Variants in PABIR3 observed in about 807,000 individuals in gnomAD.
PABIR3 encodes PABIR family member 3.
A neutral mutation model predicts 23.1 loss-of-function variants in PABIR3; 20 were observed. The ratio of observed to expected loss-of-function variants is 0.86; its 90% CI spans 0.61 to 1.26. The LOEUF (loss-of-function observed/expected upper bound fraction) is 1.26, where lower values mean the gene tolerates loss of function less well. PABIR3 is among the 50% of genes most tolerant of loss of function. The probability of loss-of-function intolerance (pLI) is 0.00; values close to 1 mark genes in which losing one functional copy is unlikely to be tolerated. For synonymous variants in PABIR3, 69 were observed against 68.5 expected (o/e 1.01, Z -0.04); for missense variants, 189 against 195.4 (o/e 0.97, Z 0.20).
chrX:134,829,124 A>T, intron 3 of PABIR3, 102 bp from the exon 4 acceptor site: 1 of 667,298 alleles, frequency 1.5e-6, no homozygotes, highest in South Asian at 2.6e-5. Context: ...CATGCATAAG[A>T]CACTAAATAA....
At chrX:134,864,649 A>C in the PABIR3 span, among the ~76,000 whole-genome samples, 2 of 112,226 alleles carry the variant, frequency 1.8e-5, no homozygotes, top group African/African-American at 6.5e-5. Flanking sequence ...GTAGTTCATT[A>C]CTTTTTATTG....
At chrX:134,859,639 A>G (rs2082763250), downstream of PABIR3, among the ~76,000 whole-genome samples, 2 of 112,125 alleles carry the variant, frequency 1.8e-5, no homozygotes, top group South Asian at 7.4e-4. Flanking sequence ...CAACTATAAA[A>G]ACATCATCCC....
At chrX:134,822,512 G>T in intron 3 of PABIR3, 2 of 753,804 alleles carry the variant, frequency 2.7e-6, no homozygotes, top group Non-Finnish European at 3.1e-6. Context: ...CTCCCTGCTG[G>T]TGTCATCAAT....
chrX:134,856,960 C>T (rs1323697768), downstream of PABIR3, among the ~76,000 whole-genome samples: 1 of 110,730 alleles, frequency 9.0e-6, no homozygotes, highest in East Asian at 2.9e-4. Flanking sequence ...TGCAGTGAGC[C>T]GAGATCACGC....
chrX:134,823,417 G>T (rs1426699601), intron 3 of PABIR3, among the ~76,000 whole-genome samples: 1 of 110,996 alleles, frequency 9.0e-6, no homozygotes, highest in East Asian at 2.8e-4. Flanking sequence ...TATATATTGT[G>T]AATTTTCTGG....
chrX:134,812,483 T>C (rs1189537974), intron 2 of PABIR3, among the ~76,000 whole-genome samples: 1 of 112,206 alleles, frequency 8.9e-6, no homozygotes, highest in Non-Finnish European at 1.9e-5. Context: ...TTACTGCCTG[T>C]TATATGCAAA....
chrX:134,797,303 C>T (rs899749749), intron 1 of PABIR3: 1 of 113,534 alleles, frequency 8.8e-6, no homozygotes, highest in African/African-American at 3.2e-5. Context: ...GGAGCGTTTC[C>T]AGGGGGCCCG....
At chrX:134,842,966 G>A (rs1332098779) in intron 4 of PABIR3, among the ~76,000 whole-genome samples, 1 of 109,879 alleles carries the variant, frequency 9.1e-6, no homozygotes, top group East Asian at 2.9e-4. Flanking sequence ...ACTTTGGGAG[G>A]CCAAGACGGG....
rs2081229025 is a variant in PABIR3 at position 134,820,748 on chromosome X, C to T, written c.189+5899C>T. Among the ~76,000 whole-genome samples the T allele has an allele frequency of 2.7e-5, 3 of 110,969 alleles. No homozygotes were observed. The South Asian group carries it at 1.1e-3, about 42-fold the overall frequency. On this transcript the variant is annotated intron_variant, in intron 3 of 10. Coordinates refer to ENST00000645433, the MANE Select transcript of PABIR3 (RefSeq NM_001388447.1). ...AAATATGGGTAAAACAGGCTGGGCA[C>T]AGTAGCTCACGCCTGTAATCCCAGC... is the stretch of plus-strand genomic sequence containing the variant.
Position 134,800,768 on chromosome X carries a change from G to A in PABIR3, c.-97-3333G>A, listed in dbSNP as rs190961320. Among the ~76,000 whole-genome samples the A allele has an allele frequency of 2.0e-4, 22 of 112,013 alleles. No homozygotes were observed. In the East Asian group the frequency reaches 5.9e-3, roughly 30 times the overall value. ...TCACACCACTGTACTCCAGCCTTGC[G>A]ACAGAGCGAGACTCTGCCTCAAAAA... On this transcript the variant is annotated intron_variant, in intron 1 of 4. Transcript: ENST00000414371.
chrX:134,840,693 C>G (rs112655126), intron 4 of PABIR3, among the ~76,000 whole-genome samples: 1,516 of 110,998 alleles, frequency 0.014, 31 homozygotes, highest in African/African-American at 0.048. Context: ...CGTGATTCTG[C>G]CCAAATTCTT....
At chrX:134,848,799 C>T (rs991755147) in intron 8 of PABIR3, among the ~76,000 whole-genome samples, 5 of 111,413 alleles carry the variant, frequency 4.5e-5, no homozygotes, top group African/African-American at 6.5e-5. Context: ...GTCAGGAGTT[C>T]GAGACCAGCC....
At chrX:134,822,035 A>G (rs1000471524) in intron 3 of PABIR3, 1 of 754,337 alleles carries the variant, frequency 1.3e-6, no homozygotes, top group African/African-American at 2.3e-5. Context: ...ACTGGAGATA[A>G]TTCTTAGTAA....
At chrX:134,859,516 C>G (rs1264975802), downstream of PABIR3, among the ~76,000 whole-genome samples, 1 of 111,214 alleles carries the variant, frequency 9.0e-6, no homozygotes, top group Non-Finnish European at 1.9e-5. Context: ...CCCCCTGACA[C>G]AGCACTCACC....
chrX:134,859,093 G>GA (rs1226857441), downstream of PABIR3, among the ~76,000 whole-genome samples: 1 of 111,313 alleles, frequency 9.0e-6, no homozygotes, highest in African/African-American at 3.3e-5. Flanking sequence ...CAGGAGATCT[G>GA]ACTTGTAGCT....
intron 3 of PABIR3, chrX:134,821,720 C>A: frequency 1.0e-6 from 1 of 976,886 alleles, no homozygotes; most frequent in Non-Finnish European, 1.3e-6. Flanking sequence ...GTAATACATT[C>A]CTGATCCTGC....
intron 1 of PABIR3, among the ~76,000 whole-genome samples, chrX:134,800,324 A>C (rs938706724): frequency 2.8e-5 from 3 of 108,923 alleles, no homozygotes; most frequent in Admixed American, 9.8e-5. Flanking sequence ...ATAGCCGGGC[A>C]TGGTGGCATG....
At chrX:134,805,278 CT>C (rs1178312164), upstream of PABIR3, among the ~76,000 whole-genome samples, 4 of 111,705 alleles carry the variant, frequency 3.6e-5, no homozygotes, top group Non-Finnish European at 7.5e-5. Flanking sequence ...TTATTGTAAA[CT>C]TTAAATGCAA....
At chrX:134,815,284 T>C (rs2080912091) in intron 3 of PABIR3, among the ~76,000 whole-genome samples, 1 of 111,340 alleles carries the variant, frequency 9.0e-6, no homozygotes, top group South Asian at 3.7e-4. Context: ...ATCTCACATT[T>C]ATCTTGAATT....
Sources: gnomAD v4.1 joint callset for allele counts (sites outside exome capture counted in the v4.1 genomes callset) on GRCh38, gnomAD v4.1.1 for gene constraint, MANE v1.5 for transcripts, NCBI Gene and HGNC (gene_info 2026-07-23, HGNC 2026-07-21) for gene names.